Variants in BEND7 observed in about 807,000 individuals in gnomAD.
BEND7 encodes the protein BEN domain containing 7, also known as BEN domain-containing protein 7.
A neutral mutation model predicts 50.9 loss-of-function variants in BEND7; 28 were observed. The observed-to-expected ratio is 0.55, with a 90% CI of 0.41 to 0.75. The LOEUF is 0.75. Ranked by LOEUF, BEND7 falls within the 30% of genes least tolerant of loss-of-function variation. BEND7 has a pLI of 0.00. For missense variants in BEND7, 477 were observed against 491.3 expected (o/e 0.97, Z 0.28); for synonymous variants, 170 against 183.9 (o/e 0.92, Z 0.61).
chr10:13,516,020 C>T (rs556971498), intron 2 of BEND7, among the ~76,000 whole-genome samples: 1 of 152,202 alleles, frequency 6.6e-6, no homozygotes, highest in Non-Finnish European at 1.5e-5. Flanking sequence ...CTCAATCAAT[C>T]GTCTCACTCT....
At chr10:13,510,379 C>T (rs898455944) in intron 2 of BEND7, among the ~76,000 whole-genome samples, 1 of 152,090 alleles carries the variant, frequency 6.6e-6, no homozygotes, top group Non-Finnish European at 1.5e-5. Flanking sequence ...TTGGCAAAAC[C>T]TTTTTGGGGC....
chr10:13,481,983 T>A (rs765080617), intron 5 of BEND7, among the ~76,000 whole-genome samples: 1 of 152,262 alleles, frequency 6.6e-6, no homozygotes, highest in Non-Finnish European at 1.5e-5. Flanking sequence ...ACCCAGTTCA[T>A]ACCCTTTCCT....
rs1473448707 is a variant in BEND7, at chr10:13,470,421, TTG to T, written c.1063+10476_1063+10477del. 1.3e-5 allele frequency among the ~76,000 whole-genome samples: 2 copies of T among 152,168 alleles called. 1 individual carries two copies. Among genetic ancestry groups the T allele is most frequent in the Admixed American group, 1.3e-4 (2 of 15,270 alleles). On this transcript the variant is annotated intron_variant, in intron 6 of 8. Coordinates refer to ENST00000466271, the MANE Select transcript of BEND7 (RefSeq NM_001369863.1). ...TATCTCTTTTGACAGGAGGCTGTTT[TTG>T]TCACCCCTAGTGGTGGTGTTAAAAT...
chr10:13,488,089 A>C (rs1486432699), intron 5 of BEND7, among the ~76,000 whole-genome samples: 2 of 105,402 alleles, frequency 1.9e-5, no homozygotes, highest in African/African-American at 1.4e-4. Context: ...TCAATTACAA[A>C]AAAAAAAAAA....
At chr10:13,507,693 TAA>T (rs1006122297) in intron 2 of BEND7, among the ~76,000 whole-genome samples, 2 of 152,106 alleles carry the variant, frequency 1.3e-5, no homozygotes, top group Non-Finnish European at 2.9e-5. Context: ...CAGATGATCT[TAA>T]AGAGCTGGAC....
At chr10:13,469,163 G>A (rs2074549219) in intron 6 of BEND7, among the ~76,000 whole-genome samples, 1 of 152,150 alleles carries the variant, frequency 6.6e-6, no homozygotes, top group African/African-American at 2.4e-5. Flanking sequence ...CCAAGGGGTA[G>A]GGCTGATAGG....
chr10:13,439,198 G>A, downstream of BEND7: 1 of 1,613,804 alleles, frequency 6.2e-7, no homozygotes, highest in Non-Finnish European at 8.5e-7. Flanking sequence ...GAGATGTGAA[G>A]GGTAAGAGAC....
rs60800841 is a variant in BEND7, at chr10:13,467,219, C to T, written c.1063+13680G>A. ...TCTGAGGCTGACAGGAGTTCTCAGA[C>T]TTTTATCTGATCCTCACTCTTTCAG... On this transcript the variant is annotated intron_variant, in intron 6 of 8. Coordinates refer to ENST00000466271, the MANE Select transcript of BEND7 (RefSeq NM_001369863.1). Among the ~76,000 whole-genome samples, 196 of 152,292 alleles carry T rather than the reference C, an allele frequency of 1.3e-3. 4 individuals carry two copies. The East Asian group carries it at 0.033, about 25-fold the overall frequency.
chr10:13,473,373 T>G (rs1401646914), intron 6 of BEND7, among the ~76,000 whole-genome samples: 2 of 151,100 alleles, frequency 1.3e-5, no homozygotes, highest in African/African-American at 4.9e-5. Flanking sequence ...TCGTCATCGC[T>G]GTGAGACTTG....
intron 2 of BEND7, among the ~76,000 whole-genome samples, chr10:13,515,781 T>A (rs2078626253): frequency 6.6e-6 from 1 of 152,168 alleles, no homozygotes. Flanking sequence ...AATGGAATAG[T>A]TTTTTTCCTG....
At chr10:13,456,186 T>C (rs1838921153) in intron 6 of BEND7, among the ~76,000 whole-genome samples, 1 of 152,134 alleles carries the variant, frequency 6.6e-6, no homozygotes. Flanking sequence ...GCTCATGGGC[T>C]TGGAGCTATC....
chr10:13,476,031 G>A lies in BEND7; in HGVS notation c.1063+4868C>T, dbSNP rs546671026. Among the ~76,000 whole-genome samples the A allele has an allele frequency of 6.6e-5, 10 of 152,226 alleles. No individual in the cohort carries two copies. In the South Asian group the frequency reaches 1.7e-3, roughly 25 times the overall value. On this transcript the variant is annotated intron_variant, in intron 6 of 8. Transcript: ENST00000466271. ...ATAAGTTACTATCAATAAATAAATC[G>A]ATGCAAATTCCACCCCAACCGTATT...
intron 5 of BEND7, among the ~76,000 whole-genome samples, chr10:13,487,056 T>C (rs1427601335): frequency 1.3e-5 from 2 of 152,242 alleles, no homozygotes; most frequent in African/African-American, 4.8e-5. Flanking sequence ...TTTTCCTTCA[T>C]GTGCTCCTTC....
At position 13,526,210 on chromosome 10, in the gene BEND7, C is replaced by T. The variant is rs1344108355; in HGVS notation, c.73G>A (p.Glu25Lys). 2.6e-5 allele frequency: 33 copies of T among 1,288,002 alleles called. No homozygotes were observed. Among genetic ancestry groups the T allele is most frequent in the Admixed American group, 2.5e-4 (11 of 43,258 alleles). 79.8% of individuals were successfully genotyped at this position (1,288,002 alleles called of 1,614,324 possible). A position where few individuals can be genotyped will look rare whatever the true frequency, so the allele number is the denominator to read the frequency against. ...CTGAATTCTGGGATCTTATACACCT[C>T]GTGGTGATAATCTGGCATGAGAAAA... ...FKLVSRDYHHEVYKIPEFSND... is the reference protein window; with the variant it reads ...FKLVSRDYHHKVYKIPEFSND... The change falls in exon 2 of 9, where the codon GAG becomes AAG. Residue 25 changes from glutamate (E) to lysine (K), a missense_variant. Glu to Lys is a moderately conservative substitution (Grantham distance 56). This residue lies in a region of BEND7 where 396 missense variants were observed against 384.2 expected (regional missense o/e 1.03). Transcript: ENST00000466271.
intron 6 of BEND7, among the ~76,000 whole-genome samples, chr10:13,465,003 C>T (rs552125149): frequency 5.3e-5 from 8 of 152,282 alleles, no homozygotes; most frequent in African/African-American, 1.4e-4. Context: ...TACCTGAGTT[C>T]GTTAACCAGT....
chr10:13,486,191 G>C (rs912251132), intron 5 of BEND7, among the ~76,000 whole-genome samples: 1 of 152,158 alleles, frequency 6.6e-6, no homozygotes, highest in African/African-American at 2.4e-5. Context: ...TTTTTAAAAT[G>C]TATGTATTTA....
intron 4 of BEND7, among the ~76,000 whole-genome samples, chr10:13,496,333 C>T (rs892202759): frequency 3.3e-5 from 5 of 152,212 alleles, no homozygotes; most frequent in Admixed American, 1.3e-4. Flanking sequence ...CGACAGAACA[C>T]GGCGGATTTC....
intron 6 of BEND7, among the ~76,000 whole-genome samples, chr10:13,466,351 G>T (rs1309119740): frequency 1.3e-5 from 2 of 151,974 alleles, no homozygotes; most frequent in African/African-American, 4.8e-5. Flanking sequence ...CACCTGGTTA[G>T]GAGTTTGAGA....
Position 13,525,756 on chromosome 10 carries a change from G to C in BEND7, c.145+382C>G, listed in dbSNP as rs575211176. On this transcript the variant is annotated intron_variant, in intron 2 of 8. Coordinates refer to ENST00000466271, the MANE Select transcript of BEND7 (RefSeq NM_001369863.1). ...AAACCAAACAAATAGCAGCTTCCTGGAAATTGAATTTCTGTTATCCAGATG... is the reference window on the plus strand; with the variant it reads ...AAACCAAACAAATAGCAGCTTCCTGCAAATTGAATTTCTGTTATCCAGATG... Among the ~76,000 whole-genome samples, 19 of 152,276 alleles carry C rather than the reference G, an allele frequency of 1.2e-4. No homozygotes were observed. The South Asian group carries it at 3.9e-3, about 32-fold the overall frequency.
Sources: gnomAD v4.1 joint callset for allele counts (sites outside exome capture counted in the v4.1 genomes callset) on GRCh38, gnomAD v4.1.1 for gene constraint, gnomAD v4.1.1 regional missense constraint, MANE v1.5 for transcripts, NCBI Gene and HGNC (gene_info 2026-07-23, HGNC 2026-07-21) for gene names.